Variants in RBFOX1 observed in about 807,000 individuals in gnomAD.
The protein encoded by RBFOX1 is RNA binding protein fox-1 homolog 1.
A neutral mutation model predicts 57.7 loss-of-function variants in RBFOX1; 8 were observed. The ratio of observed to expected loss-of-function variants is 0.14; its 90% CI spans 0.08 to 0.25. The LOEUF (loss-of-function observed/expected upper bound fraction) is 0.25, where lower values mean the gene tolerates loss of function less well. Ranked by LOEUF, RBFOX1 falls within the 10% of genes least tolerant of loss-of-function variation. The pLI is 1.00. For missense variants in RBFOX1, 611 were observed against 548.5 expected, an observed-to-expected ratio of 1.11 and a Z score of -1.14; for synonymous variants, 326 against 222.4, an observed-to-expected ratio of 1.47 and a Z score of -4.15.
rs1405806101 is a variant in RBFOX1, at chr16:7,304,106, C to T, written c.28-214041C>T. On this transcript the variant is annotated intron_variant, in intron 4 of 15. Coordinates refer to ENST00000550418, the MANE Select transcript of RBFOX1 (RefSeq NM_018723.4). The stretch of plus-strand genomic sequence containing the variant: ...AGTGTTTTAGTTGGAGGCAGAGGAA[C>T]GCCGGGATCTAGCACATCCCCAGGC... The T allele has an allele frequency of 7.3e-6, 5 of 683,848 alleles. No individual in the cohort carries two copies. The South Asian group carries it at 1.9e-4, about 26-fold the overall frequency. The allele number at this position is 683,848 out of a possible 1,614,324, so 42.4% of individuals were successfully genotyped here.
At chr16:6,922,149 C>T (rs1230356361) in intron 3 of RBFOX1, among the ~76,000 whole-genome samples, 1 of 152,158 alleles carries the variant, frequency 6.6e-6, no homozygotes, top group Non-Finnish European at 1.5e-5. Flanking sequence ...GCACCTTACA[C>T]ACAGGGGAGG....
chr16:7,219,031 C>T (rs1024683791), intron 4 of RBFOX1, among the ~76,000 whole-genome samples: 1 of 152,216 alleles, frequency 6.6e-6, no homozygotes, highest in Non-Finnish European at 1.5e-5. Flanking sequence ...GAGAAGGGCT[C>T]GGAGCCAGAC....
intron 1 of RBFOX1, among the ~76,000 whole-genome samples, chr16:5,428,802 GA>G (rs1350977155): frequency 1.3e-5 from 2 of 152,176 alleles, no homozygotes; most frequent in Non-Finnish European, 2.9e-5. Flanking sequence ...AATGACATAT[GA>G]TTTTTTTGGG....
At chr16:6,632,932 G>C (rs1483507355) in intron 2 of RBFOX1, among the ~76,000 whole-genome samples, 1 of 152,180 alleles carries the variant, frequency 6.6e-6, no homozygotes, top group Non-Finnish European at 1.5e-5. Context: ...CTTCGAAATA[G>C]GTTGAGAGCT....
chr16:7,238,112 C>T (rs1955388), intron 4 of RBFOX1, among the ~76,000 whole-genome samples: 1 of 151,914 alleles, frequency 6.6e-6, no homozygotes, highest in Admixed American at 6.6e-5. Context: ...CATGATTCCA[C>T]TTATATGAGG....
intron 3 of RBFOX1, among the ~76,000 whole-genome samples, chr16:6,708,862 C>T (rs1054089898): frequency 1.3e-4 from 20 of 152,142 alleles, no homozygotes; most frequent in Admixed American, 4.6e-4. Flanking sequence ...TTATTTCAGG[C>T]ACCAGAAGTT....
chr16:7,485,967 G>T (rs1293173742), intron 4 of RBFOX1, among the ~76,000 whole-genome samples: 1 of 152,178 alleles, frequency 6.6e-6, no homozygotes, highest in Admixed American at 6.5e-5. Flanking sequence ...AAGTTGAGTT[G>T]TGTCAACAGA....
intron 3 of RBFOX1, among the ~76,000 whole-genome samples, chr16:6,864,268 G>A (rs187578214): frequency 3.6e-4 from 55 of 151,994 alleles, no homozygotes; most frequent in African/African-American, 1.3e-3. Flanking sequence ...ATTTAGACAC[G>A]TTCAAAAATA....
chr16:5,414,380 G>A (rs997488937), intron 1 of RBFOX1, among the ~76,000 whole-genome samples: 3 of 152,158 alleles, frequency 2.0e-5, no homozygotes, highest in African/African-American at 7.2e-5. Context: ...TCCTCTCTGT[G>A]GGCTTGCTTA....
rs182217134 is a variant in RBFOX1 at position 6,881,453 on chromosome 16, T to C, written c.-15-170604T>C. Among the ~76,000 whole-genome samples, 133 of 152,276 alleles carry C rather than the reference T, an allele frequency of 8.7e-4. 1 individual carries two copies. The highest frequency in any genetic ancestry group is 3.2e-3 in the African/African-American group (131 of 41,552). On this transcript the variant is annotated intron_variant, in intron 3 of 15. Transcript: ENST00000550418. ...TTCTGAGGGCTGTGAGCAAAGGGTC[T>C]GCTGCAGGCCTATCCGTGGCTTGTA...
chr16:7,710,598 C>CA (rs1479291096), intron 15 of RBFOX1, 25 bp from the exon 16 acceptor site: 1 of 1,609,906 alleles, frequency 6.2e-7, no homozygotes. Context: ...GTAAAAAACA[C>CA]ACCCCTCAAA....
chr16:5,759,682 C>T (rs1200485406), intron 3 of RBFOX1, among the ~76,000 whole-genome samples: 3 of 152,190 alleles, frequency 2.0e-5, no homozygotes, highest in African/African-American at 4.8e-5. Context: ...GAATACCTTG[C>T]AGTGTTTCCC....
chr16:7,642,319 T>C (rs1222351394), intron 11 of RBFOX1, among the ~76,000 whole-genome samples: 3 of 152,070 alleles, frequency 2.0e-5, no homozygotes, highest in African/African-American at 7.2e-5. Flanking sequence ...TCAGGACTCT[T>C]TTTTTTAAGT....
At chr16:6,715,086 C>A (rs763850580) in intron 3 of RBFOX1, among the ~76,000 whole-genome samples, 2 of 152,018 alleles carry the variant, frequency 1.3e-5, no homozygotes, top group African/African-American at 4.8e-5. Context: ...AGTCTGTGTG[C>A]GGCAGCAGGG....
At chr16:5,306,852 C>T (rs1290968530) in intron 1 of RBFOX1, among the ~76,000 whole-genome samples, 2 of 152,150 alleles carry the variant, frequency 1.3e-5, no homozygotes, top group African/African-American at 4.8e-5. Context: ...TTTCAGCCTC[C>T]TCCATGTTCT....
Position 5,398,492 on chromosome 16 carries a change from G to A in RBFOX1, c.220-68724G>A, listed in dbSNP as rs2066625331. ...GTGTGAATTGCAGGCACTTGTGCTTGTGGGTGTGCATGTGAGCAGGTGTGC... is the reference window on the plus strand; with the variant it reads ...GTGTGAATTGCAGGCACTTGTGCTTATGGGTGTGCATGTGAGCAGGTGTGC... On this transcript the variant is annotated intron_variant, in intron 1 of 2. Coordinates refer to the RBFOX1 transcript ENST00000585867. Among the ~76,000 whole-genome samples the A allele has an allele frequency of 2.6e-5, 4 of 152,150 alleles. No individual in the cohort carries two copies. The South Asian group carries it at 8.3e-4, about 32-fold the overall frequency.
intron 2 of RBFOX1, among the ~76,000 whole-genome samples, chr16:6,465,419 C>A (rs564754977): frequency 6.6e-6 from 1 of 152,138 alleles, no homozygotes; most frequent in Non-Finnish European, 1.5e-5. Flanking sequence ...CCTTTAGTGG[C>A]TATCTTGCAT....
At chr16:7,192,841 T>C (rs2085761477) in intron 4 of RBFOX1, among the ~76,000 whole-genome samples, 1 of 152,198 alleles carries the variant, frequency 6.6e-6, no homozygotes. Context: ...CAAAACACAC[T>C]AATACGGAAG....
At chr16:7,281,801 C>G (rs1221745993) in intron 4 of RBFOX1, among the ~76,000 whole-genome samples, 1 of 152,060 alleles carries the variant, frequency 6.6e-6, no homozygotes, top group East Asian at 1.9e-4. Context: ...TCTCTGCAGA[C>G]CAAAATAATC....
Sources: gnomAD v4.1 joint callset for allele counts (sites outside exome capture counted in the v4.1 genomes callset) on GRCh38, gnomAD v4.1.1 for gene constraint, MANE v1.5 for transcripts, NCBI Gene and HGNC (gene_info 2026-07-23, HGNC 2026-07-21) for gene names.